EPHB1: variants seen among roughly 807,000 people sequenced by gnomAD.
EPHB1 encodes ephrin type-B receptor 1.
Under a neutral mutation model 94.4 loss-of-function variants are expected in EPHB1, and 30 were observed. That is an observed-to-expected ratio of 0.32 (90% confidence interval 0.24 to 0.43). The LOEUF (loss-of-function observed/expected upper bound fraction) is 0.43, where lower values mean the gene tolerates loss of function less well. EPHB1 is among the 20% of genes least tolerant of loss of function. The pLI is 1.00. For missense variants in EPHB1, 1,055 were observed against 1,308.3 expected, an observed-to-expected ratio of 0.81 and a Z score of 2.99; for synonymous variants, 522 against 489.1, an observed-to-expected ratio of 1.07 and a Z score of -0.89.
intron 5 of EPHB1, among the ~76,000 whole-genome samples, chr3:135,142,002 C>T (rs1335459090): frequency 1.3e-5 from 2 of 152,164 alleles, no homozygotes; most frequent in African/African-American, 4.8e-5. Context: ...CCAGGGGCTC[C>T]CAGAAGTATT....
At chr3:135,051,360 T>A (rs1449861659) in intron 3 of EPHB1, among the ~76,000 whole-genome samples, 1 of 152,206 alleles carries the variant, frequency 6.6e-6, no homozygotes, top group Non-Finnish European at 1.5e-5. Flanking sequence ...CCTTCCAAAG[T>A]TTATTTTTTC....
Position 135,154,206 on chromosome 3 carries a change from C to T in EPHB1, c.1352C>T (p.Thr451Ile), listed in dbSNP as rs1206152153. ...GTCAGTGCCACTATGAGGAGCATCA[C>T]CTTGTCATGGCCACAGCCGGAGCAG... ...HQVSATMRSI[T>I]LSWPQPEQPN... Residue 451 changes from threonine to isoleucine, a missense_variant, in exon 6 of 16, where the codon ACC (threonine) becomes ATC (isoleucine). Thr to Ile is a moderately conservative substitution (Grantham distance 89). Coordinates refer to ENST00000398015, the MANE Select transcript of EPHB1 (RefSeq NM_004441.5). 2 of 1,614,056 alleles carry T rather than the reference C, an allele frequency of 1.2e-6. No homozygotes were observed. The highest frequency in any genetic ancestry group is 1.7e-6 in the Non-Finnish European group (2 of 1,179,884).
At chr3:135,178,412 C>T (rs775415023) in intron 9 of EPHB1, among the ~76,000 whole-genome samples, 7 of 142,896 alleles carry the variant, frequency 4.9e-5, no homozygotes, top group Non-Finnish European at 1.1e-4. Flanking sequence ...GCCGAGATCA[C>T]ACCACACCAC....
intron 6 of EPHB1, among the ~76,000 whole-genome samples, chr3:135,161,490 T>G (rs1171151012): frequency 6.6e-6 from 1 of 152,178 alleles, no homozygotes; most frequent in Non-Finnish European, 1.5e-5. Flanking sequence ...ACAAAGCCTT[T>G]TGCCTGAGCA....
chr3:135,249,465 C>G lies in EPHB1; in HGVS notation c.2820C>G (p.Leu940=). 1 of 1,613,964 alleles carries G rather than the reference C, an allele frequency of 6.2e-7. No homozygotes were observed. The highest frequency in any genetic ancestry group is 8.5e-7 in the Non-Finnish European group (1 of 1,179,840). Reference sequence around the variant, plus strand: ...TCCTCACTGCTGGCTTCACCTCCCTCCAGCTGGTCACCCAGATGACATCAG... The same window carrying G: ...TCCTCACTGCTGGCTTCACCTCCCTGCAGCTGGTCACCCAGATGACATCAG... The part of the protein sequence containing the change: ...DSFLTAGFTS[L]QLVTQMTSED... Residue 940 remains leucine (L), a synonymous_variant, in exon 15 of 16, where the codon CTC becomes CTG. Coordinates refer to ENST00000398015, the MANE Select transcript of EPHB1 (RefSeq NM_004441.5).
At chr3:134,938,460 C>T (rs1027906904) in intron 2 of EPHB1, among the ~76,000 whole-genome samples, 4 of 152,214 alleles carry the variant, frequency 2.6e-5, no homozygotes, top group South Asian at 2.1e-4. Flanking sequence ...AGCTAACCAG[C>T]GCTCACAGGG....
chr3:135,166,533 G>A (rs1261431098), intron 8 of EPHB1, among the ~76,000 whole-genome samples: 8 of 152,192 alleles, frequency 5.3e-5, no homozygotes, highest in Non-Finnish European at 7.3e-5. Flanking sequence ...CGAAAGCCTT[G>A]TGATTTTTTA....
intron 1 of EPHB1, among the ~76,000 whole-genome samples, chr3:134,912,681 TG>T (rs2038479028): frequency 6.6e-6 from 1 of 152,056 alleles, no homozygotes; most frequent in Non-Finnish European, 1.5e-5. Context: ...TGGGAGTGGG[TG>T]GGGCTGCCCA....
intron 3 of EPHB1, among the ~76,000 whole-genome samples, chr3:135,078,010 G>A (rs571922383): frequency 6.6e-6 from 1 of 152,174 alleles, no homozygotes; most frequent in African/African-American, 2.4e-5. Flanking sequence ...TTTGAAGTAG[G>A]TGCTATTATT....
At chr3:135,205,153 C>A (rs1216945820) in intron 12 of EPHB1, among the ~76,000 whole-genome samples, 1 of 151,980 alleles carries the variant, frequency 6.6e-6, no homozygotes, top group Non-Finnish European at 1.5e-5. Context: ...GAATAGTACT[C>A]CATTGTGTAT....
intron 5 of EPHB1, among the ~76,000 whole-genome samples, chr3:135,141,953 A>C (rs1242652294): frequency 6.6e-6 from 1 of 152,202 alleles, no homozygotes; most frequent in Admixed American, 6.5e-5. Flanking sequence ...GCAAAGCAGG[A>C]GAATGAGAGT....
chr3:135,095,166 T>C (rs141524544), intron 3 of EPHB1, among the ~76,000 whole-genome samples: 73 of 152,232 alleles, frequency 4.8e-4, no homozygotes, highest in Middle Eastern at 3.4e-3. Context: ...ATTGGATTTC[T>C]AAAAGAGGAC....
At chr3:135,136,688 G>GA in intron 5 of EPHB1, among the ~76,000 whole-genome samples, 1 of 152,286 alleles carries the variant, frequency 6.6e-6, no homozygotes, top group South Asian at 2.1e-4. Context: ...TCAGACTGAT[G>GA]AAAAATCACA....
chr3:134,888,562 G>A (rs1380957732), intron 1 of EPHB1, among the ~76,000 whole-genome samples: 3 of 152,088 alleles, frequency 2.0e-5, no homozygotes, highest in African/African-American at 7.2e-5. Context: ...ACAAAAATTA[G>A]CTGGGTGTGG....
rs1389207071 is a variant in EPHB1, at chr3:135,053,025, G to GTATATATATA, written c.806-53422_806-53421insATATATATAT. Among the ~76,000 whole-genome samples, 551 of 90,582 alleles carry GTATATATATA rather than the reference G, an allele frequency of 6.1e-3. 25 individuals are homozygous for GTATATATATA. Among genetic ancestry groups the GTATATATATA allele is most frequent in the East Asian group, 0.022 (71 of 3,182 alleles). The allele number at this position is 90,582 out of a possible 152,430, so 59.4% of individuals were successfully genotyped here. On this transcript the variant is annotated intron_variant, in intron 3 of 15. Transcript: ENST00000398015. ...TGTGTGTATATATATGTGTGTGTGT[G>GTATATATATA]TGTATATATATATATATATATATAT...
At chr3:134,886,424 T>G (rs2037863584) in intron 1 of EPHB1, among the ~76,000 whole-genome samples, 2 of 152,358 alleles carry the variant, frequency 1.3e-5, no homozygotes, top group African/African-American at 4.8e-5. Context: ...TTAAGTCATT[T>G]AGCCAAGGTC....
chr3:135,087,406 C>T (rs1326600704), intron 3 of EPHB1, among the ~76,000 whole-genome samples: 1 of 152,088 alleles, frequency 6.6e-6, no homozygotes, highest in Non-Finnish European at 1.5e-5. Flanking sequence ...ATGAGTGTTA[C>T]ATGTGGAAAT....
intron 3 of EPHB1, among the ~76,000 whole-genome samples, chr3:135,070,746 T>G (rs1267279387): frequency 6.6e-6 from 1 of 152,202 alleles, no homozygotes; most frequent in Middle Eastern, 3.2e-3. Flanking sequence ...TCTATTTAAC[T>G]TCTAGGTTTT....
In EPHB1 at chr3:135,204,560, G is replaced by T. The variant is rs149090421; in HGVS notation, c.2346+2871G>T. 3.5e-3 allele frequency among the ~76,000 whole-genome samples: 525 copies of T among 152,140 alleles called. 8 individuals carry two copies. The highest frequency in any genetic ancestry group is 0.012 in the African/African-American group (500 of 41,494). On this transcript the variant is annotated intron_variant, in intron 12 of 15. Transcript: ENST00000398015. ...TTGTCACACAGGCTGGAGGGCAGTGGTGCGATCTCGGCTCATTGCAGCTTC... is the reference window on the plus strand; with the variant it reads ...TTGTCACACAGGCTGGAGGGCAGTGTTGCGATCTCGGCTCATTGCAGCTTC...
Sources: gnomAD v4.1 joint callset for allele counts (sites outside exome capture counted in the v4.1 genomes callset) on GRCh38, gnomAD v4.1.1 for gene constraint, MANE v1.5 for transcripts, NCBI Gene and HGNC (gene_info 2026-07-23, HGNC 2026-07-21) for gene names.